Variants in DAPK3 observed in about 807,000 individuals in gnomAD.
DAPK3 encodes death-associated protein kinase 3.
A neutral mutation model predicts 30.6 loss-of-function variants in DAPK3; 24 were observed. That is an observed-to-expected ratio of 0.78 (90% CI 0.57 to 1.10). DAPK3 has a LOEUF of 1.10. DAPK3 is among the 50% of genes least tolerant of loss of function. The probability of loss-of-function intolerance (pLI) is 0.00; values close to 1 mark genes in which losing one functional copy is unlikely to be tolerated. For synonymous variants in DAPK3, 341 were observed against 284.0 expected, an observed-to-expected ratio of 1.20 and a Z score of -2.02; for missense variants, 629 against 657.3, an observed-to-expected ratio of 0.96 and a Z score of 0.47.
In DAPK3 at chr19:3,964,944, T is replaced by A. The variant is rs2039560969; in HGVS notation, c.110A>T (p.Lys37Met). The A allele has an allele frequency of 6.2e-7, 1 of 1,612,074 alleles. No individual in the cohort carries two copies. Among genetic ancestry groups the A allele is most frequent in the South Asian group, 1.1e-5 (1 of 91,052 alleles). Residue 37 changes from lysine to methionine, a missense_variant, in exon 3 of 9, where the codon AAG becomes ATG. Transcript: ENST00000545797. ...VRKCRQKGTG[K>M]EYAAKFIKKR... is the part of the protein sequence containing the mutation. ...CTTGATGAACTTGGCTGCGTACTCC[T>A]TGCCCGTGCCCTTCTGCCGGCACTT...
chr19:3,964,106 C>T (rs574047283), intron 4 of DAPK3, 138 bp downstream of exon 4: 8 of 903,382 alleles, frequency 8.9e-6, no homozygotes, highest in South Asian at 4.9e-5. Flanking sequence ...CCAGACCTCC[C>T]GCAAAGCCGG....
At position 3,959,347 on chromosome 19, in the gene DAPK3, G is replaced by C; in HGVS notation, c.1119C>G (p.Ser373Arg). ...KEAWYREESD[S>R]LGQDLRRLRQ... ...GTAGCCTCCGCAGGTCCTGGCCCAG[G>C]CTGTCGCTCTCCTCGCGGTACCAGG... The change falls in exon 9 of 9, where the codon AGC (serine) becomes AGG (arginine). Residue 373 changes from serine (S) to arginine (R), a missense_variant. Transcript: ENST00000545797. The C allele has an allele frequency of 6.3e-7, 1 of 1,588,462 alleles. No homozygotes were observed. Among genetic ancestry groups the C allele is most frequent in the Non-Finnish European group, 8.5e-7 (1 of 1,174,882 alleles).
intron 2 of DAPK3, among the ~76,000 whole-genome samples, chr19:3,966,185 T>C (rs1320489587): frequency 6.6e-6 from 1 of 152,114 alleles, no homozygotes; most frequent in African/African-American, 2.4e-5. Flanking sequence ...TCAAACCAGG[T>C]GCTGCAGGCT....
chr19:3,964,000 G>A, intron 4 of DAPK3, 81 bp from the exon 5 acceptor site: 1 of 982,108 alleles, frequency 1.0e-6, no homozygotes, highest in Admixed American at 2.0e-5. Context: ...ATGGGGTCAA[G>A]GTTCTCACAT....
chr19:3,964,096 CCA>C lies in DAPK3; in HGVS notation c.553+146_553+147del, dbSNP rs930282734. 29 of 852,240 alleles carry C rather than the reference CCA, an allele frequency of 3.4e-5. No individual in the cohort carries two copies. In the African/African-American group the frequency reaches 4.6e-4, roughly 13 times the overall value. The allele number at this position is 852,240 out of a possible 1,614,324, so 52.8% of individuals were successfully genotyped here. The stretch of plus-strand genomic sequence containing the variant: ...CAGCGGGGCTGCACCAAATGGAGGC[CCA>C]GACCTCCCGCAAAGCCGGGCCCAAG... On this transcript the variant is annotated intron_variant, in intron 4 of 8. Transcript: ENST00000545797.
At chr19:3,961,538 G>T (rs753484471) in intron 6 of DAPK3, 1 of 501,706 alleles carries the variant, frequency 2.0e-6, no homozygotes, top group Non-Finnish European at 4.1e-6. Context: ...CAGCCCGGCA[G>T]TGAGAGGCCC....
intron 1 of DAPK3, among the ~76,000 whole-genome samples, chr19:3,970,245 A>G (rs2039619917): frequency 6.6e-6 from 1 of 152,056 alleles, no homozygotes; most frequent in Admixed American, 6.6e-5. Context: ...CGAAGTTCTC[A>G]AGTCTACTTC....
Position 3,964,325 on chromosome 19 carries a change from T to C in DAPK3, c.472A>G (p.Lys158Glu). 6.2e-7 allele frequency: 1 copy of C among 1,613,332 alleles called. No individual in the cohort carries two copies. Among genetic ancestry groups the C allele is most frequent in the Non-Finnish European group, 8.5e-7 (1 of 1,179,292 alleles). Residue 158 changes from lysine (K) to glutamate (E), a missense_variant, in exon 4 of 9, where the codon AAG (lysine) becomes GAG (glutamate). Around this residue, in one of 2 missense-constraint regions of DAPK3, gnomAD observed 306 missense variants for 378.5 expected, o/e 0.81. Transcript: ENST00000545797. ...TGCGCGATGCCGAAGTCGATGAGCT[T>C]GATTCGTGGGTTGGGCACGTTCTTG... ...LDKNVPNPRI[K>E]LIDFGIAHKI... is the part of the protein sequence containing the mutation.
chr19:3,965,945 C>T (rs1477411963), intron 2 of DAPK3, among the ~76,000 whole-genome samples: 1 of 152,018 alleles, frequency 6.6e-6, no homozygotes, highest in Non-Finnish European at 1.5e-5. Flanking sequence ...CACACTACCA[C>T]ACCTGATTTA....
Position 3,964,643 on chromosome 19 carries a change from G to A in DAPK3, c.411C>T (p.His137=). 2 of 1,453,096 alleles carry A rather than the reference G, an allele frequency of 1.4e-6. No individual in the cohort carries two copies. Among genetic ancestry groups the A allele is most frequent in the South Asian group, 2.2e-5 (2 of 89,242 alleles). 90.0% of individuals were successfully genotyped at this position (1,453,096 alleles called of 1,614,324 possible). Residue 137 remains histidine (H), a synonymous_variant, in exon 3 of 9, where the codon CAC becomes CAT. Coordinates refer to ENST00000545797, the MANE Select transcript of DAPK3 (RefSeq NM_001348.3). ...VHYLHSKRIA[H]FDLKPENIML... ...CTACAGGGCTCACCTTCAGGTCAAAGTGTGCGATGCGCTTAGAGTGCAGGT... is the reference window on the plus strand; with the variant it reads ...CTACAGGGCTCACCTTCAGGTCAAAATGTGCGATGCGCTTAGAGTGCAGGT...
intron 6 of DAPK3, chr19:3,961,417 G>T (rs775491144): frequency 1.4e-5 from 9 of 630,544 alleles, no homozygotes; most frequent in African/African-American, 3.6e-5. Context: ...GAGACTCGAA[G>T]TATCTGTGCA....
At chr19:3,962,787 CAAAA>C (rs35117218) in intron 6 of DAPK3, among the ~76,000 whole-genome samples, 17 of 68,086 alleles carry the variant, frequency 2.5e-4, no homozygotes, top group African/African-American at 3.9e-4. Context: ...AACTCTGTCT[CAAAA>C]AAAAAAAAAA....
At position 3,969,873 on chromosome 19, in the gene DAPK3, AC is replaced by A. The variant is rs777590029; in HGVS notation, c.-94-45del. On this transcript the variant is annotated intron_variant, in intron 1 of 8. Coordinates refer to ENST00000545797, the MANE Select transcript of DAPK3 (RefSeq NM_001348.3). ...GACAGAAGTGAGGAACTGAGACACC[AC>A]CCTTTTCTCCTAGATTAATGGACAG... 92 of 643,020 alleles carry A rather than the reference AC, an allele frequency of 1.4e-4. 1 individual carries two copies. In the Middle Eastern group the frequency reaches 2.2e-3, roughly 15 times the overall value. The allele number at this position is 643,020 out of a possible 1,614,324, so 39.8% of individuals were successfully genotyped here. A position where few individuals can be genotyped will look rare whatever the true frequency, so the allele number is the denominator to read the frequency against.
intron 4 of DAPK3, 34 bp from the exon 5 acceptor site, chr19:3,963,953 G>C (rs369679761): frequency 7.0e-7 from 1 of 1,438,712 alleles, no homozygotes; most frequent in Non-Finnish European, 9.8e-7. Context: ...CAGGCACTGG[G>C]GACATGCTGG....
chr19:3,964,150 G>A lies in DAPK3; in HGVS notation c.553+94C>T, dbSNP rs754216998. The A allele has an allele frequency of 1.4e-5, 16 of 1,174,212 alleles. No individual in the cohort carries two copies. The Admixed American group carries it at 2.3e-4, about 17-fold the overall frequency. The allele number at this position is 1,174,212 out of a possible 1,614,324, so 72.7% of individuals were successfully genotyped here. A position where few individuals can be genotyped will look rare whatever the true frequency, so the allele number is the denominator to read the frequency against. On this transcript the variant is annotated intron_variant, in intron 4 of 8. Coordinates refer to ENST00000545797, the MANE Select transcript of DAPK3 (RefSeq NM_001348.3). ...GGGGTGGCTTCAGGGCCGAGGACGC[G>A]GCACCCAGCACCGGGCATGACCCAC...
chr19:3,964,989 C>A lies in DAPK3; in HGVS notation c.65G>T (p.Gly22Val). Residue 22 changes from glycine (G) to valine (V), a missense_variant and splice_region_variant, in exon 3 of 9, where the codon GGC becomes GTC. Transcript: ENST00000545797. ...HYEMGEELGS[G>V]QFAIVRKCRQ... ...GCACTTCCGCACGATCGCAAACTGG[C>A]CGCTGGAGGAGGGGGAGGGAGTGAG... The A allele has an allele frequency of 6.3e-7, 1 of 1,589,368 alleles. No homozygotes were observed. The highest frequency in any genetic ancestry group is 8.6e-7 in the Non-Finnish European group (1 of 1,162,388).
chr19:3,964,412 T>TGGG, intron 3 of DAPK3, 39 bp from the exon 4 acceptor site: 1 of 1,539,986 alleles, frequency 6.5e-7, no homozygotes, highest in Non-Finnish European at 8.9e-7. Context: ...AGCACGGGCC[T>TGGG]CCCCCACCCT....
chr19:3,959,969 C>T lies in DAPK3; in HGVS notation c.828+90G>A, dbSNP rs749419197. 3.8e-5 allele frequency: 31 copies of T among 825,488 alleles called. 1 individual carries two copies. Among genetic ancestry groups the T allele is most frequent in the South Asian group, 2.7e-4 (20 of 74,352 alleles). 51.1% of individuals were successfully genotyped at this position (825,488 alleles called of 1,614,324 possible). A position where few individuals can be genotyped will look rare whatever the true frequency, so the allele number is the denominator to read the frequency against. On this transcript the variant is annotated intron_variant, in intron 8 of 8. Transcript: ENST00000545797. ...CCCCAGCCACTGGGGGTTGTCACAT[C>T]CACAAGCCTTAAATGCTGAAGGCCC...
intron 2 of DAPK3, among the ~76,000 whole-genome samples, 158 bp from the exon 3 acceptor site, chr19:3,965,149 G>A (rs1014191713): frequency 3.9e-5 from 6 of 152,280 alleles, no homozygotes; most frequent in East Asian, 1.9e-4. Flanking sequence ...CAGACTCTGC[G>A]CCTTCTCAGA....
Sources: allele counts gnomAD v4.1 joint callset (sites outside exome capture counted in the v4.1 genomes callset), GRCh38; gene constraint gnomAD v4.1.1; regional missense constraint gnomAD v4.1.1; transcripts MANE v1.5; gene names NCBI Gene and HGNC (gene_info 2026-07-23, HGNC 2026-07-21).